The following CFAP46 variants were observed in gnomAD, a reference collection of about 807,000 sequenced individuals.
CFAP46 encodes the protein cilia and flagella associated protein 46, also known as cilia- and flagella-associated protein 46.
In CFAP46, 245 loss-of-function variants were observed where a neutral mutation model predicts 325.7. The ratio of observed to expected loss-of-function variants is 0.75; its 90% CI spans 0.68 to 0.84. The LOEUF (loss-of-function observed/expected upper bound fraction) is 0.84. Among genes scored for constraint, CFAP46 ranks in the 40% least tolerant of loss-of-function variants. The probability of loss-of-function intolerance (pLI) is 0.00; values close to 1 mark genes in which losing one functional copy is unlikely to be tolerated. For missense variants in CFAP46, 3,346 were observed against 3,543.0 expected (o/e 0.94, Z 1.41); for synonymous variants, 1,523 against 1,495.9 (o/e 1.02, Z -0.42).
At chr10:132,871,482 A>G (rs775038357) in intron 32 of CFAP46, among the ~76,000 whole-genome samples, 1 of 152,284 alleles carries the variant, frequency 6.6e-6, no homozygotes, top group Non-Finnish European at 1.5e-5. Context: ...CATTAAGAAC[A>G]TTCCTGATTC....
intron 9 of CFAP46, among the ~76,000 whole-genome samples, chr10:132,927,964 G>A (rs569022905): frequency 6.6e-6 from 1 of 152,346 alleles, no homozygotes; most frequent in African/African-American, 2.4e-5. Flanking sequence ...GCTGGGGCCT[G>A]AGGGATGGGC....
At chr10:132,837,273 C>T (rs1052745595) in intron 44 of CFAP46, among the ~76,000 whole-genome samples, 2 of 152,254 alleles carry the variant, frequency 1.3e-5, no homozygotes, top group African/African-American at 4.8e-5. Context: ...CTCCATCCTT[C>T]TGTGTCCTCC....
intron 50 of CFAP46, among the ~76,000 whole-genome samples, chr10:132,823,833 G>T (rs1340545257): frequency 6.8e-6 from 1 of 146,620 alleles, no homozygotes; most frequent in East Asian, 2.1e-4. Context: ...GCTGATGTGT[G>T]CTGTATGTTG....
At chr10:132,926,256 G>A (rs1849808272) in intron 10 of CFAP46, among the ~76,000 whole-genome samples, 1 of 152,186 alleles carries the variant, frequency 6.6e-6, no homozygotes, top group Admixed American at 6.5e-5. Context: ...CTCCCAGGCA[G>A]GCATCACCAC....
intron 41 of CFAP46, 86 bp downstream of exon 41, chr10:132,850,158 A>G (rs2135133668): frequency 7.6e-7 from 1 of 1,319,204 alleles, no homozygotes; most frequent in East Asian, 2.5e-5. Context: ...CTGCAATCAC[A>G]GGAGTCCTAA....
At chr10:132,894,103 C>G (rs763781528) in intron 24 of CFAP46, among the ~76,000 whole-genome samples, 5 of 152,220 alleles carry the variant, frequency 3.3e-5, no homozygotes, top group Admixed American at 6.5e-5. Context: ...GCTGCAGCCC[C>G]CTGTGGATTT....
intron 8 of CFAP46, among the ~76,000 whole-genome samples, chr10:132,934,364 C>T (rs1849959558): frequency 1.4e-5 from 2 of 147,222 alleles, no homozygotes; most frequent in African/African-American, 5.0e-5. Flanking sequence ...CAGGACTTAT[C>T]CCAAACTCTC....
Position 132,916,686 on chromosome 10 carries a change from C to A in CFAP46, c.1987-4G>T. 6.8e-7 allele frequency: 1 copy of A among 1,462,282 alleles called. No individual in the cohort carries two copies. The highest frequency in any genetic ancestry group is 9.1e-7 in the Non-Finnish European group (1 of 1,100,716). 90.6% of individuals were successfully genotyped at this position (1,462,282 alleles called of 1,614,324 possible). ...ACCGCAGCAAATGAACCGTGGCCTG[C>A]AAAACACACATGCGGTGGGAGGGGT... On this transcript the variant is annotated splice_polypyrimidine_tract_variant and splice_region_variant and intron_variant, in intron 16 of 57. Coordinates refer to ENST00000368586, the MANE Select transcript of CFAP46 (RefSeq NM_001200049.3).
intron 50 of CFAP46, among the ~76,000 whole-genome samples, chr10:132,819,412 C>T (rs1184078727): frequency 2.6e-5 from 4 of 152,150 alleles, no homozygotes; most frequent in Non-Finnish European, 4.4e-5. Flanking sequence ...TTATGAGGAG[C>T]CACAAAAGAC....
In CFAP46 at chr10:132,832,268, G is replaced by A. The variant is rs573521351; in HGVS notation, c.7117+1090C>T. Among the ~76,000 whole-genome samples, 38 of 152,216 alleles carry A rather than the reference G, an allele frequency of 2.5e-4. No homozygotes were observed. The highest frequency in any genetic ancestry group is 8.7e-4 in the African/African-American group (36 of 41,530). On this transcript the variant is annotated intron_variant, in intron 50 of 57. Transcript: ENST00000368586. The surrounding 1 kb of genome is among the most constrained non-coding windows in gnomAD (Gnocchi z 4.1). Reference sequence around the variant, plus strand: ...TCCTGCTGAGGGCTCTGCAGATCTCGGAGTGGCCGTTCCTTGCAGCTCTCT... The same window carrying A: ...TCCTGCTGAGGGCTCTGCAGATCTCAGAGTGGCCGTTCCTTGCAGCTCTCT...
At position 132,912,636 on chromosome 10, in the gene CFAP46, G is replaced by A. The variant is rs988432490; in HGVS notation, c.2499+19C>T. ...CTCTCTCTCTCTCTCTCTCTCTCTC[G>A]GCATCATGGAGGTGGTACCTCCACC... On this transcript the variant is annotated intron_variant, in intron 19 of 57. Coordinates refer to ENST00000368586, the MANE Select transcript of CFAP46 (RefSeq NM_001200049.3). 36 of 1,332,452 alleles carry A rather than the reference G, an allele frequency of 2.7e-5. No individual in the cohort carries two copies. Among genetic ancestry groups the A allele is most frequent in the Middle Eastern group, 2.0e-4 (1 of 4,960 alleles). 82.5% of individuals were successfully genotyped at this position (1,332,452 alleles called of 1,614,324 possible).
intron 17 of CFAP46, 98 bp from the exon 18 acceptor site, chr10:132,913,356 GGCAAGAA>G: frequency 1.5e-6 from 1 of 663,724 alleles, no homozygotes; most frequent in Non-Finnish European, 2.5e-6. Flanking sequence ...CAGGCTGCAG[GGCAAGAA>G]GTGGGAGGGG....
intron 39 of CFAP46, among the ~76,000 whole-genome samples, chr10:132,857,251 C>T (rs1223595891): frequency 6.6e-6 from 1 of 152,212 alleles, no homozygotes; most frequent in Non-Finnish European, 1.5e-5. Context: ...CCCTCCCCTC[C>T]CTGGGGCTCT....
In CFAP46 at chr10:132,811,012, C is replaced by T; in HGVS notation, c.7521G>A (p.Leu2507=). Residue 2507 remains leucine, a synonymous_variant, in exon 56 of 58, where the codon CTG becomes CTA. Transcript: ENST00000368586. The part of the protein sequence containing the change: ...MNLQECQVAV[L]LDLARSYQSL... ...TCTGGTAGGACCGCGCCAGGTCCAG[C>T]AGGACTGCCACCTGGCACTCTGCCG... 2 of 1,602,584 alleles carry T rather than the reference C, an allele frequency of 1.2e-6. No homozygotes were observed. Among genetic ancestry groups the T allele is most frequent in the Non-Finnish European group, 1.7e-6 (2 of 1,175,042 alleles).
rs548157405 is a variant in CFAP46 at position 132,939,695 on chromosome 10, C to T, written c.372-942G>A. 1.7e-4 allele frequency among the ~76,000 whole-genome samples: 26 copies of T among 152,274 alleles called. No individual in the cohort carries two copies. Among genetic ancestry groups the T allele is most frequent in the African/African-American group, 4.3e-4 (18 of 41,560 alleles). On this transcript the variant is annotated intron_variant, in intron 4 of 57. Transcript: ENST00000368586. The surrounding 1 kb of genome is among the most constrained non-coding windows in gnomAD (Gnocchi z 4.6). ...GCGGGGTGTCCTGACCAGACGGTCA[C>T]GCCTGCTTGAGTCAGAGGGGTCATC...
chr10:132,882,390 CTGT>C (rs1173776888), intron 27 of CFAP46, among the ~76,000 whole-genome samples: 3 of 151,418 alleles, frequency 2.0e-5, no homozygotes, highest in African/African-American at 7.3e-5. Flanking sequence ...CAGCTGTGGG[CTGT>C]TAAGTTGGGT....
At chr10:132,810,037 A>C (rs1468226800) in intron 57 of CFAP46, among the ~76,000 whole-genome samples, 1 of 152,206 alleles carries the variant, frequency 6.6e-6, no homozygotes, top group Non-Finnish European at 1.5e-5. Context: ...GGAGGGGGCC[A>C]GGCACAGCTG....
Position 132,814,865 on chromosome 10 carries a change from G to T in CFAP46, c.7167C>A (p.Ser2389Arg), listed in dbSNP as rs755663086. 1 of 1,614,064 alleles carries T rather than the reference G, an allele frequency of 6.2e-7. No individual in the cohort carries two copies. The highest frequency in any genetic ancestry group is 8.5e-7 in the Non-Finnish European group (1 of 1,180,024). The change falls in exon 51 of 58, where the codon AGC (serine) becomes AGA (arginine). Residue 2389 changes from serine to arginine, a missense_variant. Coordinates refer to ENST00000368586, the MANE Select transcript of CFAP46 (RefSeq NM_001200049.3). ...EGRSRDPKKR[S>R]LAKKGRKGSI... ...CCACCTTCCTGCCCTTCTTCGCTAG[G>T]CTTCTCTTTTTGGGGTCTCTGCTTC...
At position 132,922,719 on chromosome 10, in the gene CFAP46, G is replaced by A. The variant is rs565425708; in HGVS notation, c.1257-11C>T. On this transcript the variant is annotated splice_polypyrimidine_tract_variant and intron_variant, in intron 11 of 57. Transcript: ENST00000368586. ...AGAAGCGTCATGAGGCTGCGGGGGT[G>A]GCGTGGCATCAGGGGCCCTGGCGGC... is the stretch of plus-strand genomic sequence containing the variant. 2.4e-4 allele frequency: 370 copies of A among 1,541,418 alleles called. 17 individuals carry two copies. The South Asian group carries it at 4.3e-3, about 18-fold the overall frequency.
Sources: gnomAD v4.1 joint callset for allele counts (sites outside exome capture counted in the v4.1 genomes callset) on GRCh38, gnomAD v4.1.1 for gene constraint, Gnocchi (gnomAD v3.1) non-coding constraint, MANE v1.5 for transcripts, NCBI Gene and HGNC (gene_info 2026-07-23, HGNC 2026-07-21) for gene names.